Variants in SLC35F3 observed in about 807,000 individuals in gnomAD.
SLC35F3 encodes the protein putative thiamine transporter SLC35F3.
In SLC35F3, 25 loss-of-function variants were observed where a neutral mutation model predicts 49.9. That is an observed-to-expected ratio of 0.50 (90% confidence interval 0.37 to 0.70). SLC35F3 has a LOEUF of 0.70. SLC35F3 is among the 30% of genes least tolerant of loss of function. SLC35F3 has a pLI of 0.00. For synonymous variants in SLC35F3, 275 were observed against 265.4 expected (o/e 1.04, Z -0.35); for missense variants, 525 against 639.8 (o/e 0.82, Z 1.94).
rs1553308877 is a variant in SLC35F3 at position 234,139,962 on chromosome 1, A to AATAAAAT, written c.284-91453_284-91447dup. 8.0e-4 allele frequency among the ~76,000 whole-genome samples: 104 copies of AATAAAAT among 129,542 alleles called. 3 individuals are homozygous for AATAAAAT. Among genetic ancestry groups the AATAAAAT allele is most frequent in the African/African-American group, 1.2e-3 (40 of 32,696 alleles). The allele number at this position is 129,542 out of a possible 152,430, so 85.0% of individuals were successfully genotyped here. A position where few individuals can be genotyped will look rare whatever the true frequency, so the allele number is the denominator to read the frequency against. On this transcript the variant is annotated intron_variant, in intron 2 of 7. Transcript: ENST00000366618. Reference sequence around the variant, plus strand: ...ACTCCATCTCAAAATAATAAAATAAAATAAAATAAAATAAAATAAAATAAA... The same window carrying AATAAAAT: ...ACTCCATCTCAAAATAATAAAATAAAATAAAATATAAAATAAAATAAAATAAAATAAA...
chr1:234,230,093 A>G (rs889425769), intron 2 of SLC35F3, among the ~76,000 whole-genome samples: 1 of 152,234 alleles, frequency 6.6e-6, no homozygotes, highest in African/African-American at 2.4e-5. Context: ...TTATTAATAA[A>G]GCAAGTAATG....
At chr1:234,183,318 G>A (rs747010536) in intron 2 of SLC35F3, among the ~76,000 whole-genome samples, 1 of 142,990 alleles carries the variant, frequency 7.0e-6, no homozygotes, top group Non-Finnish European at 1.5e-5. Context: ...CACCTGGCCA[G>A]ATTTTCTTAA....
intron 2 of SLC35F3, among the ~76,000 whole-genome samples, chr1:234,128,478 C>T (rs1316855170): frequency 3.9e-5 from 6 of 152,036 alleles, no homozygotes; most frequent in East Asian, 1.9e-4. Flanking sequence ...GCATCTTGGA[C>T]GGTGGGTGAG....
At chr1:233,961,667 G>T (rs1662805862) in intron 2 of SLC35F3, among the ~76,000 whole-genome samples, 1 of 152,036 alleles carries the variant, frequency 6.6e-6, no homozygotes, top group Non-Finnish European at 1.5e-5. Context: ...TGTTGGCCAG[G>T]CTAGTCTTGA....
At chr1:234,053,534 T>C (rs574277500) in intron 2 of SLC35F3, among the ~76,000 whole-genome samples, 1 of 152,212 alleles carries the variant, frequency 6.6e-6, no homozygotes, top group Admixed American at 6.5e-5. Context: ...CCTATGTGTG[T>C]CTCTGCATGT....
intron 2 of SLC35F3, among the ~76,000 whole-genome samples, chr1:233,918,875 T>C (rs1418034607): frequency 6.6e-6 from 1 of 151,848 alleles, no homozygotes; most frequent in Non-Finnish European, 1.5e-5. Context: ...TTGTGCTTAA[T>C]AGTACTAGTG....
At chr1:234,151,213 G>GCCAGGAAATCCCC (rs1244992092) in intron 2 of SLC35F3, among the ~76,000 whole-genome samples, 1 of 151,584 alleles carries the variant, frequency 6.6e-6, no homozygotes, top group Non-Finnish European at 1.5e-5. Flanking sequence ...GGGAGATAGA[G>GCCAGGAAATCCCC]CCAGGAAATC....
At chr1:234,097,370 C>T (rs1665140470) in intron 2 of SLC35F3, among the ~76,000 whole-genome samples, 2 of 152,136 alleles carry the variant, frequency 1.3e-5, no homozygotes, top group African/African-American at 4.8e-5. Context: ...AAGATGTCTT[C>T]CATTTATTGA....
intron 2 of SLC35F3, among the ~76,000 whole-genome samples, chr1:234,087,352 A>G (rs963966568): frequency 2.0e-5 from 3 of 152,242 alleles, no homozygotes; most frequent in Non-Finnish European, 4.4e-5. Flanking sequence ...GGTGTGGTTA[A>G]ATGTTCAATA....
rs182139105 is a variant in SLC35F3, at chr1:234,087,596, C to T, written c.284-143821C>T. On this transcript the variant is annotated intron_variant, in intron 2 of 7. Coordinates refer to ENST00000366618, the MANE Select transcript of SLC35F3 (RefSeq NM_173508.4). ...CCTAGGATCCTCCCACTGCACTGTG[C>T]TTTCTTCATTCCATTCATCAGACAA... 1.9e-3 allele frequency among the ~76,000 whole-genome samples: 295 copies of T among 152,326 alleles called. 1 individual carries two copies. The highest frequency in any genetic ancestry group is 3.4e-3 in the Non-Finnish European group (233 of 68,024).
At chr1:234,143,818 T>G (rs1665955711) in intron 2 of SLC35F3, among the ~76,000 whole-genome samples, 1 of 152,228 alleles carries the variant, frequency 6.6e-6, no homozygotes, top group Non-Finnish European at 1.5e-5. Flanking sequence ...GATGTTGCAA[T>G]GAACATGGGG....
intron 3 of SLC35F3, among the ~76,000 whole-genome samples, chr1:234,234,500 G>A (rs748973190): frequency 6.6e-5 from 10 of 152,146 alleles, no homozygotes; most frequent in African/African-American, 1.9e-4. Context: ...CTGAGATTCC[G>A]CTTTTCTAGG....
At chr1:234,175,856 G>A (rs1666469230) in intron 2 of SLC35F3, among the ~76,000 whole-genome samples, 1 of 152,164 alleles carries the variant, frequency 6.6e-6, no homozygotes, top group African/African-American at 2.4e-5. Flanking sequence ...CCAGGTCAGT[G>A]TGGAGGCAGG....
At chr1:234,266,873 GTTTTTTT>G (rs34040004) in intron 3 of SLC35F3, among the ~76,000 whole-genome samples, 1 of 108,646 alleles carries the variant, frequency 9.2e-6, no homozygotes, top group South Asian at 3.5e-4. Flanking sequence ...GAAGCACATG[GTTTTTTT>G]TTTTTTTTTT....
At chr1:234,277,086 A>G (rs1439235843) in intron 3 of SLC35F3, among the ~76,000 whole-genome samples, 1 of 152,254 alleles carries the variant, frequency 6.6e-6, no homozygotes, top group Non-Finnish European at 1.5e-5. Flanking sequence ...GACCAGAGCC[A>G]TTCTCACAGG....
At chr1:233,908,160 G>T (rs1220681256) in intron 2 of SLC35F3, among the ~76,000 whole-genome samples, 2 of 151,738 alleles carry the variant, frequency 1.3e-5, no homozygotes, top group African/African-American at 4.8e-5. Context: ...CTCTATAAAT[G>T]GGGAGAGATG....
intron 2 of SLC35F3, among the ~76,000 whole-genome samples, chr1:234,076,123 T>A (rs17487423): frequency 0.092 from 14,016 of 152,154 alleles, 1,319 homozygotes; most frequent in East Asian, 0.48. Flanking sequence ...AGTTGAAATA[T>A]TGGAAAGGTA....
chr1:234,142,595 A>G (rs564084728), intron 2 of SLC35F3, among the ~76,000 whole-genome samples: 30 of 152,276 alleles, frequency 2.0e-4, no homozygotes, highest in African/African-American at 6.0e-4. Context: ...CATTTGGTGA[A>G]AAACAGTTTG....
At chr1:234,148,019 C>T (rs544161845) in intron 2 of SLC35F3, among the ~76,000 whole-genome samples, 102 of 152,234 alleles carry the variant, frequency 6.7e-4, no homozygotes, top group African/African-American at 2.2e-3. Flanking sequence ...CTGATTATAA[C>T]GGCAAGAAGG....
Sources: gnomAD v4.1 joint callset for allele counts (sites outside exome capture counted in the v4.1 genomes callset) on GRCh38, gnomAD v4.1.1 for gene constraint, MANE v1.5 for transcripts, NCBI Gene and HGNC (gene_info 2026-07-23, HGNC 2026-07-21) for gene names.